The following PLA2G4C variants were observed in gnomAD, a reference collection of about 807,000 sequenced individuals.
The protein encoded by PLA2G4C is cytosolic phospholipase A2 gamma.
Under a neutral mutation model 73.8 loss-of-function variants are expected in PLA2G4C, and 64 were observed. The observed-to-expected ratio is 0.87, with a 90% CI of 0.71 to 1.07. PLA2G4C has a LOEUF of 1.07. Ranked by LOEUF, PLA2G4C falls within the 50% of genes least tolerant of loss-of-function variation. PLA2G4C has a pLI of 0.00. For synonymous variants in PLA2G4C, 254 were observed against 252.1 expected (o/e 1.01, Z -0.07); for missense variants, 622 against 665.4 (o/e 0.93, Z 0.72).
chr19:48,109,394 C>G (rs1314944897), intron 1 of PLA2G4C, among the ~76,000 whole-genome samples: 1 of 152,034 alleles, frequency 6.6e-6, no homozygotes, highest in African/African-American at 2.4e-5. Context: ...ACCTCAGCCT[C>G]CCGAGTAGCT....
intron 14 of PLA2G4C, among the ~76,000 whole-genome samples, chr19:48,058,008 AAT>A (rs980282265): frequency 2.7e-5 from 4 of 150,046 alleles, no homozygotes; most frequent in Admixed American, 6.7e-5. Flanking sequence ...AATCAAAAAA[AAT>A]TTTTTTGGCC....
intron 4 of PLA2G4C, among the ~76,000 whole-genome samples, chr19:48,101,767 C>T (rs989375104): frequency 1.3e-5 from 2 of 149,826 alleles, no homozygotes; most frequent in Non-Finnish European, 3.0e-5. Context: ...CTCTGCCTCC[C>T]GGATTCAAGT....
chr19:48,089,763 A>G (rs1242747092), intron 8 of PLA2G4C, among the ~76,000 whole-genome samples: 1 of 152,204 alleles, frequency 6.6e-6, no homozygotes, highest in African/African-American at 2.4e-5. Flanking sequence ...GGATCCAGGC[A>G]GACAGGCTTT....
intron 10 of PLA2G4C, among the ~76,000 whole-genome samples, chr19:48,079,201 C>T (rs1198799675): frequency 6.6e-6 from 1 of 151,932 alleles, no homozygotes; most frequent in Non-Finnish European, 1.5e-5. Context: ...CAAAAAAGAG[C>T]CCTCATAGCC....
chr19:48,050,173 G>T (rs1967669580), intron 16 of PLA2G4C, among the ~76,000 whole-genome samples: 3 of 152,114 alleles, frequency 2.0e-5, no homozygotes, highest in Admixed American at 2.0e-4. Flanking sequence ...GCCCACCTCG[G>T]CCTCCCAAAG....
At chr19:48,055,650 T>TTTTCC (rs1967913467) in intron 14 of PLA2G4C, among the ~76,000 whole-genome samples, 1 of 151,680 alleles carries the variant, frequency 6.6e-6, no homozygotes, top group South Asian at 2.1e-4. Context: ...TTTTCTTTTC[T>TTTTCC]TATTTTTGAG....
chr19:48,105,893 C>T (rs1406229691), intron 2 of PLA2G4C, among the ~76,000 whole-genome samples: 14 of 1,238 alleles, frequency 0.011, 1 homozygote, highest in African/African-American at 0.099. Context: ...TTCTTTCCCT[C>T]CCTCCCTCCC....
intron 4 of PLA2G4C, among the ~76,000 whole-genome samples, chr19:48,102,500 AAAAAG>A (rs1307369861): frequency 6.6e-6 from 1 of 152,148 alleles, no homozygotes; most frequent in Non-Finnish European, 1.5e-5. Flanking sequence ...TCCAGAAGAA[AAAAAG>A]AAAAGAAAAG....
intron 4 of PLA2G4C, chr19:48,103,529 G>C (rs1363285484): frequency 6.6e-6 from 1 of 152,198 alleles, no homozygotes; most frequent in Non-Finnish European, 1.5e-5. Context: ...TCTCACACTC[G>C]AGCCTCTGCT....
At chr19:48,100,628 A>AT (rs71181646) in intron 4 of PLA2G4C, among the ~76,000 whole-genome samples, 3 of 144,642 alleles carry the variant, frequency 2.1e-5, no homozygotes, top group Non-Finnish European at 1.5e-5. Flanking sequence ...AAAAAAAAAA[A>AT]GCTGGGCGTG....
intron 10 of PLA2G4C, 142 bp downstream of exon 10, chr19:48,084,907 AATGTTCAGTG>A: frequency 1.6e-6 from 1 of 617,216 alleles, no homozygotes; most frequent in Non-Finnish European, 2.9e-6. Flanking sequence ...GCCCATAATC[AATGTTCAGTG>A]TATGAGAATA....
chr19:48,082,048 T>A (rs986946652), intron 10 of PLA2G4C, among the ~76,000 whole-genome samples: 1 of 151,568 alleles, frequency 6.6e-6, no homozygotes, highest in Non-Finnish European at 1.5e-5. Flanking sequence ...GCTACTGCAC[T>A]CCAGCCTGGG....
intron 12 of PLA2G4C, among the ~76,000 whole-genome samples, chr19:48,071,295 CTTCT>C (rs1391019599): frequency 1.2e-5 from 1 of 81,744 alleles, no homozygotes; most frequent in Non-Finnish European, 2.9e-5. Context: ...CTCCATACTT[CTTCT>C]TTTTTTTTGA....
At chr19:48,054,847 G>A in intron 15 of PLA2G4C, 31 bp downstream of exon 15, 1 of 1,601,510 alleles carries the variant, frequency 6.2e-7, no homozygotes, top group Middle Eastern at 1.7e-4. Flanking sequence ...TAATACAGGT[G>A]GCTTCTCACC....
intron 13 of PLA2G4C, among the ~76,000 whole-genome samples, chr19:48,062,702 A>G (rs1423506044): frequency 2.0e-5 from 3 of 152,218 alleles, no homozygotes; most frequent in Admixed American, 6.5e-5. Flanking sequence ...GGGTCTTTAA[A>G]GAGGTAATTA....
intron 14 of PLA2G4C, 111 bp from the exon 15 acceptor site, chr19:48,055,160 AAC>A: frequency 2.1e-6 from 2 of 971,336 alleles, no homozygotes; most frequent in Non-Finnish European, 3.1e-6. Flanking sequence ...CCAGACACAC[AAC>A]AGAGCAAGGG....
chr19:48,098,831 G>A (rs1231833833), intron 5 of PLA2G4C, among the ~76,000 whole-genome samples: 1 of 150,686 alleles, frequency 6.6e-6, no homozygotes, highest in Non-Finnish European at 1.5e-5. Context: ...GAGCCCAGGA[G>A]GTCAAGGCTG....
In PLA2G4C at chr19:48,075,153, C is replaced by CATTTATTTATTT. The variant is rs71181640; in HGVS notation, c.899-291_899-280dup. On this transcript the variant is annotated intron_variant, in intron 11 of 16. Transcript: ENST00000599921. ...CTTCAGGGTTGGAGGCAAAGTCTCCCATTTATTTATTTATTTATTTATTTA... is the reference window on the plus strand; with the variant it reads ...CTTCAGGGTTGGAGGCAAAGTCTCCCATTTATTTATTTATTTATTTATTTATTTATTTATTTA... 5.1e-4 allele frequency among the ~76,000 whole-genome samples: 72 copies of CATTTATTTATTT among 140,030 alleles called. 1 individual carries two copies. Among genetic ancestry groups the CATTTATTTATTT allele is most frequent in the Middle Eastern group, 3.7e-3 (1 of 270 alleles). 91.9% of individuals were successfully genotyped at this position (140,030 alleles called of 152,430 possible).
chr19:48,049,407 T>C (rs1967637257), intron 16 of PLA2G4C, among the ~76,000 whole-genome samples: 1 of 152,060 alleles, frequency 6.6e-6, no homozygotes, highest in African/African-American at 2.4e-5. Context: ...TTCACTTTAC[T>C]CCTCAGCACA....
Sources: allele counts gnomAD v4.1 joint callset (sites outside exome capture counted in the v4.1 genomes callset), GRCh38; gene constraint gnomAD v4.1.1; transcripts MANE v1.5; gene names NCBI Gene and HGNC (gene_info 2026-07-23, HGNC 2026-07-21).